The following FOXO3 variants were observed in gnomAD, a reference collection of about 807,000 sequenced individuals.
FOXO3 encodes the protein forkhead box protein O3.
In FOXO3, 4 loss-of-function variants were observed where a neutral mutation model predicts 41.9. The ratio of observed to expected loss-of-function variants is 0.10; its 90% confidence interval spans 0.05 to 0.22. The LOEUF (loss-of-function observed/expected upper bound fraction) is 0.22, where lower values mean the gene tolerates loss of function less well. Among genes scored for constraint, FOXO3 ranks in the 10% least tolerant of loss-of-function variants. The probability of loss-of-function intolerance (pLI) is 1.00; values close to 1 mark genes in which losing one functional copy is unlikely to be tolerated. For synonymous variants in FOXO3, 318 were observed against 389.3 expected (o/e 0.82, Z 2.16); for missense variants, 534 against 906.8 (o/e 0.59, Z 5.28).
At chr6:108,673,504 C>T (rs1325026130) in intron 2 of FOXO3, among the ~76,000 whole-genome samples, 1 of 152,236 alleles carries the variant, frequency 6.6e-6, no homozygotes, top group South Asian at 2.1e-4. Context: ...TCATACCTTA[C>T]AGGTGGTTTG....
chr6:108,605,456 CTA>C (rs1777173063), intron 1 of FOXO3, among the ~76,000 whole-genome samples: 1 of 152,094 alleles, frequency 6.6e-6, no homozygotes, highest in Admixed American at 6.6e-5. Flanking sequence ...ATTTTGAAAA[CTA>C]TTAATAATTT....
At chr6:108,672,141 T>A (rs1283526132) in intron 2 of FOXO3, among the ~76,000 whole-genome samples, 5 of 152,334 alleles carry the variant, frequency 3.3e-5, no homozygotes, top group Admixed American at 3.3e-4. Flanking sequence ...GTCTTCCCAA[T>A]GCCGGTCATC....
intron 1 of FOXO3, among the ~76,000 whole-genome samples, chr6:108,657,891 G>A (rs988632910): frequency 6.6e-6 from 1 of 152,178 alleles, no homozygotes; most frequent in Non-Finnish European, 1.5e-5. Context: ...GTACAGTTGA[G>A]CCTTGAACAA....
At chr6:108,570,102 C>T (rs1302170735) in intron 1 of FOXO3, among the ~76,000 whole-genome samples, 1 of 144,356 alleles carries the variant, frequency 6.9e-6, no homozygotes, top group African/African-American at 2.6e-5. Context: ...TGGGTTCATG[C>T]CATTCTCCTG....
At chr6:108,594,851 C>T (rs973383707) in intron 1 of FOXO3, among the ~76,000 whole-genome samples, 1 of 152,178 alleles carries the variant, frequency 6.6e-6, no homozygotes, top group African/African-American at 2.4e-5. Context: ...CTGCCAGTCC[C>T]TATGCTGTGA....
intron 1 of FOXO3, among the ~76,000 whole-genome samples, chr6:108,581,970 T>C (rs934089914): frequency 1.3e-5 from 2 of 152,194 alleles, no homozygotes; most frequent in African/African-American, 2.4e-5. Flanking sequence ...ATTTTTTTTC[T>C]GAGATAAATG....
At chr6:108,572,347 G>A (rs1216658578) in intron 1 of FOXO3, among the ~76,000 whole-genome samples, 1 of 152,214 alleles carries the variant, frequency 6.6e-6, no homozygotes, top group Non-Finnish European at 1.5e-5. Context: ...TGGTAGTAAG[G>A]CTAATCCAAA....
intron 1 of FOXO3, among the ~76,000 whole-genome samples, chr6:108,585,588 A>C (rs759718300): frequency 1.3e-5 from 2 of 152,146 alleles, no homozygotes; most frequent in African/African-American, 4.8e-5. Context: ...CCTCTTACTC[A>C]GCGCTTCAGC....
intron 1 of FOXO3, among the ~76,000 whole-genome samples, chr6:108,574,190 C>T (rs1047466051): frequency 6.6e-6 from 1 of 151,454 alleles, no homozygotes; most frequent in Non-Finnish European, 1.5e-5. Flanking sequence ...TAGCGCGTAC[C>T]TGGGTCTTTA....
chr6:108,583,937 T>A (rs575772530), intron 1 of FOXO3, among the ~76,000 whole-genome samples: 1,560 of 152,354 alleles, frequency 0.01, 30 homozygotes, highest in African/African-American at 0.035. Flanking sequence ...GGTTGGAAGT[T>A]CTGGTCCTTC....
intron 1 of FOXO3, among the ~76,000 whole-genome samples, chr6:108,631,695 A>G (rs982064788): frequency 6.6e-6 from 1 of 152,172 alleles, no homozygotes; most frequent in Non-Finnish European, 1.5e-5. Context: ...TGCACAGAAT[A>G]ACATGGGCAT....
intron 1 of FOXO3, among the ~76,000 whole-genome samples, chr6:108,598,540 A>G (rs72940700): frequency 0.015 from 2,221 of 152,164 alleles, 29 homozygotes; most frequent in Non-Finnish European, 0.023. Flanking sequence ...AAATGGAGGG[A>G]AAAAAAATCT....
At chr6:108,586,131 T>TGACA (rs1776574178) in intron 1 of FOXO3, among the ~76,000 whole-genome samples, 1 of 152,234 alleles carries the variant, frequency 6.6e-6, no homozygotes, top group Non-Finnish European at 1.5e-5. Context: ...CTCCTTGGAA[T>TGACA]GACAGCTTAT....
At chr6:108,633,813 T>C (rs138953499) in intron 1 of FOXO3, among the ~76,000 whole-genome samples, 1 of 151,990 alleles carries the variant, frequency 6.6e-6, no homozygotes, top group East Asian at 1.9e-4. Context: ...CTTTGTACTA[T>C]TTTTTACTTT....
chr6:108,629,082 G>A lies in FOXO3; in HGVS notation c.622-34373G>A, dbSNP rs138889534. ...CATTTTTCACAGGTAAATCCTAGTCGAGGATTAAGTTGAAGCTATGTATAT... is the reference window on the plus strand; with the variant it reads ...CATTTTTCACAGGTAAATCCTAGTCAAGGATTAAGTTGAAGCTATGTATAT... On this transcript the variant is annotated intron_variant, in intron 1 of 2. Coordinates refer to ENST00000406360, the MANE Select transcript of FOXO3 (RefSeq NM_001455.4). 3.0e-4 allele frequency among the ~76,000 whole-genome samples: 46 copies of A among 152,212 alleles called. No individual in the cohort carries two copies. In the East Asian group the frequency reaches 5.6e-3, roughly 19 times the overall value.
chr6:108,661,338 A>G (rs142873949), intron 1 of FOXO3, among the ~76,000 whole-genome samples: 16 of 152,064 alleles, frequency 1.1e-4, no homozygotes, highest in Non-Finnish European at 1.9e-4. Context: ...ATATATATGT[A>G]TATATAACTT....
chr6:108,666,662 G>A lies in FOXO3; in HGVS notation c.*34+1773G>A, dbSNP rs1046208327. On this transcript the variant is annotated intron_variant, in intron 2 of 2. Transcript: ENST00000406360. The stretch of plus-strand genomic sequence containing the variant: ...CCGGCCTAGATTCATTTCTTAAATG[G>A]CTTGAACCCCCATAGTAGTTCTTCC... 1.1e-4 allele frequency among the ~76,000 whole-genome samples: 16 copies of A among 152,124 alleles called. No individual in the cohort carries two copies. The East Asian group carries it at 1.2e-3, about 11-fold the overall frequency.
intron 1 of FOXO3, among the ~76,000 whole-genome samples, chr6:108,571,942 A>G (rs1776114881): frequency 6.6e-6 from 1 of 152,190 alleles, no homozygotes; most frequent in African/African-American, 2.4e-5. Flanking sequence ...CTTTCTTGTC[A>G]TCTACATTTT....
rs1044018776 is a variant in FOXO3 at position 108,683,937 on chromosome 6, C to T, written c.*4145C>T. Reference sequence around the variant, plus strand: ...AAGTGAAGTTCTGATGGAATCATGCCTGTCAAATGAGGTCTTGAAGCGGAT... The same window carrying T: ...AAGTGAAGTTCTGATGGAATCATGCTTGTCAAATGAGGTCTTGAAGCGGAT... On this transcript the variant is annotated 3_prime_UTR_variant, in exon 3 of 3. Coordinates refer to ENST00000406360, the MANE Select transcript of FOXO3 (RefSeq NM_001455.4). 6.6e-6 allele frequency: 1 copy of T among 152,556 alleles called. No homozygotes were observed. Among genetic ancestry groups the T allele is most frequent in the Non-Finnish European group, 1.5e-5 (1 of 68,042 alleles). 9.5% of individuals were successfully genotyped at this position (152,556 alleles called of 1,614,324 possible). A position where few individuals can be genotyped will look rare whatever the true frequency, so the allele number is the denominator to read the frequency against.
Sources: gnomAD v4.1 joint callset for allele counts (sites outside exome capture counted in the v4.1 genomes callset) on GRCh38, gnomAD v4.1.1 for gene constraint, MANE v1.5 for transcripts, NCBI Gene and HGNC (gene_info 2026-07-23, HGNC 2026-07-21) for gene names.